The following FAM53A variants were observed in gnomAD, a reference collection of about 807,000 sequenced individuals.
The protein encoded by FAM53A is family with sequence similarity 53 member A, also known as protein FAM53A.
FAM53A carries 28 observed loss-of-function variants against 26.6 expected under a neutral mutation model. The ratio of observed to expected loss-of-function variants is 1.05; its 90% CI spans 0.78 to 1.45. The LOEUF (loss-of-function observed/expected upper bound fraction) is 1.45. FAM53A is among the 40% of genes most tolerant of loss of function. The pLI is 0.00. For missense variants in FAM53A, 650 were observed against 575.8 expected, an observed-to-expected ratio of 1.13 and a Z score of -1.32; for synonymous variants, 290 against 253.1, an observed-to-expected ratio of 1.15 and a Z score of -1.38.
rs1713296835 is a variant in FAM53A at position 1,655,584 on chromosome 4, G to A, written c.276C>T (p.Arg92=). 1 of 1,585,350 alleles carries A rather than the reference G, an allele frequency of 6.3e-7. No individual in the cohort carries two copies. Among genetic ancestry groups the A allele is most frequent in the Non-Finnish European group, 8.6e-7 (1 of 1,164,496 alleles). Reference sequence around the variant, plus strand: ...TGGCTGCACCCAGGCCTGCGCCTGGGCGCGGGGACTGTGGCTGCCACTGAA... The same window carrying A: ...TGGCTGCACCCAGGCCTGCGCCTGGACGCGGGGACTGTGGCTGCCACTGAA... ...MGLQWQPQSP[R]PGAGLGAAST... is the part of the protein sequence containing the mutation. Residue 92 remains arginine, a synonymous_variant, in exon 4 of 5, where the codon CGC becomes CGT. Coordinates refer to ENST00000308132, the MANE Select transcript of FAM53A (RefSeq NM_001174070.3).
the FAM53A span, among the ~76,000 whole-genome samples, chr4:1,604,680 C>T: frequency 9.9e-3 from 1,515 of 152,278 alleles, 25 homozygotes; most frequent in African/African-American, 0.034. Flanking sequence ...CCGACGGACA[C>T]GGCCATCCTC....
At chr4:1,577,934 G>C in the FAM53A span, among the ~76,000 whole-genome samples, 1 of 151,952 alleles carries the variant, frequency 6.6e-6, no homozygotes, top group African/African-American at 2.4e-5. Flanking sequence ...GGGCTGCGGG[G>C]GTGCAGGTGG....
At chr4:1,613,918 G>A (rs1053402313), downstream of FAM53A, among the ~76,000 whole-genome samples, 4 of 152,324 alleles carry the variant, frequency 2.6e-5, no homozygotes, top group Admixed American at 1.3e-4. Context: ...ACGCAAAGAG[G>A]GAGAGGCTGG....
intron 1 of FAM53A, among the ~76,000 whole-genome samples, chr4:1,674,264 C>T (rs1714881554): frequency 6.6e-6 from 1 of 152,190 alleles, no homozygotes; most frequent in African/African-American, 2.4e-5. Flanking sequence ...ACCATGCGGC[C>T]TTCTCCCCAG....
intron 1 of FAM53A, among the ~76,000 whole-genome samples, chr4:1,673,218 G>A (rs1436496652): frequency 6.6e-6 from 1 of 152,212 alleles, no homozygotes; most frequent in Non-Finnish European, 1.5e-5. Flanking sequence ...GGGTCCCAAT[G>A]CAGCACGTGA....
rs376034698 is a variant in FAM53A at position 1,668,549 on chromosome 4, A to G, written c.75+118T>C. 1.5e-3 allele frequency: 1,697 copies of G among 1,129,558 alleles called. 20 individuals are homozygous for G. The African/African-American group carries it at 0.023, about 15-fold the overall frequency. The allele number at this position is 1,129,558 out of a possible 1,614,324, so 70.0% of individuals were successfully genotyped here. The stretch of plus-strand genomic sequence containing the variant: ...CACCAGACACCCCCATCCCTGGCCC[A>G]GCAGGGCCCCCCAGGCCCCTGAGAA... On this transcript the variant is annotated intron_variant, in intron 2 of 4. Transcript: ENST00000308132.
chr4:1,612,854 C>T, the FAM53A span, among the ~76,000 whole-genome samples: 3 of 152,338 alleles, frequency 2.0e-5, no homozygotes, highest in East Asian at 3.9e-4. Flanking sequence ...CATGTATACA[C>T]TCAAACGCAT....
At chr4:1,676,474 G>C (rs1715051136) in intron 1 of FAM53A, among the ~76,000 whole-genome samples, 1 of 152,254 alleles carries the variant, frequency 6.6e-6, no homozygotes, top group South Asian at 2.1e-4. Flanking sequence ...ACATGTGACT[G>C]TTGGGGCCGG....
At chr4:1,597,950 C>T in the FAM53A span, among the ~76,000 whole-genome samples, 2 of 152,196 alleles carry the variant, frequency 1.3e-5, no homozygotes, top group Admixed American at 6.5e-5. Context: ...GAGCTGAGAT[C>T]GCACCACTGC....
At chr4:1,683,819 G>C (rs1490697279) in intron 1 of FAM53A, 3 of 152,212 alleles carry the variant, frequency 2.0e-5, no homozygotes, top group Non-Finnish European at 2.9e-5. Flanking sequence ...CCACACAGGA[G>C]AATCTCGGCG....
the FAM53A span, among the ~76,000 whole-genome samples, chr4:1,574,821 G>T: frequency 6.6e-6 from 1 of 152,242 alleles, no homozygotes. Flanking sequence ...TGGCAGGAGG[G>T]CCCACGCCCT....
the FAM53A span, among the ~76,000 whole-genome samples, chr4:1,601,931 G>T: frequency 1.3e-5 from 2 of 149,024 alleles, 1 homozygote; most frequent in Non-Finnish European, 3.0e-5. Flanking sequence ...GGTGGGCCAG[G>T]GGAGGTGGGA....
intron 3 of FAM53A, among the ~76,000 whole-genome samples, chr4:1,656,967 C>T (rs571712912): frequency 6.6e-6 from 1 of 152,202 alleles, no homozygotes; most frequent in Admixed American, 6.5e-5. Context: ...CAATGAAGGG[C>T]CCACCTGCGG....
chr4:1,682,883 A>G lies in FAM53A; in HGVS notation c.-165+1350T>C, dbSNP rs140405844. 4.9e-3 allele frequency among the ~76,000 whole-genome samples: 742 copies of G among 152,386 alleles called. 2 individuals carry two copies. The highest frequency in any genetic ancestry group is 7.6e-3 in the Non-Finnish European group (520 of 68,034). Reference sequence around the variant, plus strand: ...GGTCCCCACGTGCAATCTAAGAAACATAAGGACGCATCCAAAGGGGCGGGA... The same window carrying G: ...GGTCCCCACGTGCAATCTAAGAAACGTAAGGACGCATCCAAAGGGGCGGGA... On this transcript the variant is annotated intron_variant, in intron 1 of 4. Coordinates refer to ENST00000308132, the MANE Select transcript of FAM53A (RefSeq NM_001174070.3).
chr4:1,650,550 G>A (rs1193302502), intron 4 of FAM53A, among the ~76,000 whole-genome samples: 2 of 152,058 alleles, frequency 1.3e-5, no homozygotes, highest in Admixed American at 1.3e-4. Flanking sequence ...AGGCTGGAGT[G>A]CAGTGGCGTG....
chr4:1,655,864 G>A lies in FAM53A; in HGVS notation c.137-141C>T, dbSNP rs115078681. On this transcript the variant is annotated intron_variant, in intron 3 of 4. Transcript: ENST00000308132. ...ACCCCTGGGCGTGCTTCTCCAAGAT[G>A]TCCGTGGCGCACAGTGGACACCAGC... 1.8e-3 allele frequency: 1,935 copies of A among 1,059,278 alleles called. 22 individuals carry two copies. The African/African-American group carries it at 0.024, about 13-fold the overall frequency. 65.6% of individuals were successfully genotyped at this position (1,059,278 alleles called of 1,614,324 possible). A position where few individuals can be genotyped will look rare whatever the true frequency, so the allele number is the denominator to read the frequency against.
intron 2 of FAM53A, among the ~76,000 whole-genome samples, chr4:1,666,254 C>T (rs958941868): frequency 7.2e-6 from 1 of 138,694 alleles, no homozygotes; most frequent in Non-Finnish European, 1.5e-5. Flanking sequence ...TGCACCTGCA[C>T]ACCCTGTATC....
chr4:1,612,399 G>A, the FAM53A span, among the ~76,000 whole-genome samples: 4 of 152,208 alleles, frequency 2.6e-5, no homozygotes, highest in Non-Finnish European at 4.4e-5. Flanking sequence ...GGCCTCCCGA[G>A]AAGCCCAGGC....
intron 1 of FAM53A, among the ~76,000 whole-genome samples, chr4:1,633,847 T>C (rs1715720010): frequency 6.6e-6 from 1 of 151,754 alleles, no homozygotes; most frequent in Non-Finnish European, 1.5e-5. Flanking sequence ...TAAAGAGGTT[T>C]TAAAAAAAAA....
Sources: gnomAD v4.1 joint callset for allele counts (sites outside exome capture counted in the v4.1 genomes callset) on GRCh38, gnomAD v4.1.1 for gene constraint, MANE v1.5 for transcripts, NCBI Gene and HGNC (gene_info 2026-07-23, HGNC 2026-07-21) for gene names.